The following CLASP1 variants were observed in gnomAD, a reference collection of about 807,000 sequenced individuals.
The protein encoded by CLASP1 is CLIP-associating protein 1.
Under a neutral mutation model 192.3 loss-of-function variants are expected in CLASP1, and 38 were observed. That is an observed-to-expected ratio of 0.20 (90% confidence interval 0.15 to 0.26). The LOEUF is 0.26. Ranked by LOEUF, CLASP1 falls within the 10% of genes least tolerant of loss-of-function variation. The pLI is 1.00. For missense variants in CLASP1, 1,433 were observed against 1,932.5 expected (o/e 0.74, Z 4.85); for synonymous variants, 691 against 712.8 (o/e 0.97, Z 0.49).
intron 6 of CLASP1, among the ~76,000 whole-genome samples, chr2:121,523,650 CG>C (rs2094506100): frequency 6.6e-6 from 1 of 152,152 alleles, no homozygotes; most frequent in Non-Finnish European, 1.5e-5. Flanking sequence ...AAATCTACAC[CG>C]AGTCCATGAT....
intron 1 of CLASP1, among the ~76,000 whole-genome samples, chr2:121,631,173 A>AG (rs1205477614): frequency 6.6e-6 from 1 of 150,828 alleles, no homozygotes; most frequent in African/African-American, 2.4e-5. Context: ...AAAAAAAAAA[A>AG]AAAAAAAAAG....
At chr2:121,437,914 A>C (rs1429242057) in intron 19 of CLASP1, among the ~76,000 whole-genome samples, 4 of 152,234 alleles carry the variant, frequency 2.6e-5, no homozygotes, top group African/African-American at 9.6e-5. Context: ...TAGAATAGTA[A>C]TGTATTCTCA....
intron 2 of CLASP1, among the ~76,000 whole-genome samples, chr2:121,593,718 AT>A (rs552624023): frequency 7.9e-5 from 12 of 151,042 alleles, no homozygotes; most frequent in East Asian, 7.8e-4. Flanking sequence ...GATTAAAAAA[AT>A]TTTTTTTTCG....
chr2:121,339,131 C>CCACACACACACACACACACACACA (rs3839033), exon 40 of CLASP1: 11 of 143,606 alleles, frequency 7.7e-5, no homozygotes, highest in Admixed American at 2.1e-4. Flanking sequence ...ACACACAACA[C>CCACACACACACACACACACACACA]CACACACACA....
chr2:121,457,488 C>G (rs56918588), intron 14 of CLASP1, among the ~76,000 whole-genome samples, 199 bp downstream of exon 14: 1,976 of 151,534 alleles, frequency 0.013, 40 homozygotes, highest in African/African-American at 0.044. Flanking sequence ...CACACACACA[C>G]AGAAACATAA....
rs542732837 is a variant in CLASP1, at chr2:121,447,564, T to C, written c.1742-57A>G. 68 of 1,374,090 alleles carry C rather than the reference T, an allele frequency of 4.9e-5. No homozygotes were observed. In the South Asian group the frequency reaches 5.4e-4, roughly 11 times the overall value. The allele number at this position is 1,374,090 out of a possible 1,614,324, so 85.1% of individuals were successfully genotyped here. On this transcript the variant is annotated intron_variant, in intron 18 of 39. Transcript: ENST00000263710. ...GACTACATAGAATTTTGAAAATACATTGCTAAAATCTGATGTTGTTTTGCT... is the reference window on the plus strand; with the variant it reads ...GACTACATAGAATTTTGAAAATACACTGCTAAAATCTGATGTTGTTTTGCT...
At chr2:121,391,794 CCCAGGAGGCTGAG>C (rs2074400582) in intron 30 of CLASP1, among the ~76,000 whole-genome samples, 1 of 152,092 alleles carries the variant, frequency 6.6e-6, no homozygotes, top group Admixed American at 6.6e-5. Context: ...ATCCCAGCTA[CCCAGGAGGCTGAG>C]GCAGGAGAAT....
chr2:121,354,187 A>G (rs1436351392), intron 37 of CLASP1, among the ~76,000 whole-genome samples: 1 of 152,250 alleles, frequency 6.6e-6, no homozygotes, highest in African/African-American at 2.4e-5. Context: ...AACTAGGAGC[A>G]TGGCAGGTTA....
rs539698048 is a variant in CLASP1 at position 121,367,459 on chromosome 2, T to G, written c.3886+129A>C. ...TTCAGTTAAGTAGTGCCTGAACAAATGACTAAGCAGAAAGAACAGACCCAG... is the reference window on the plus strand; with the variant it reads ...TTCAGTTAAGTAGTGCCTGAACAAAGGACTAAGCAGAAAGAACAGACCCAG... On this transcript the variant is annotated intron_variant, in intron 35 of 39. Coordinates refer to ENST00000263710, the Ensembl canonical transcript of CLASP1. 5 of 1,253,760 alleles carry G rather than the reference T, an allele frequency of 4.0e-6. No individual in the cohort carries two copies. In the Admixed American group the frequency reaches 1.2e-4, roughly 29 times the overall value. 77.7% of individuals were successfully genotyped at this position (1,253,760 alleles called of 1,614,324 possible).
At chr2:121,483,384 CT>C (rs2092735556) in intron 8 of CLASP1, among the ~76,000 whole-genome samples, 1 of 151,990 alleles carries the variant, frequency 6.6e-6, no homozygotes, top group African/African-American at 2.4e-5. Context: ...TAAGTTCTTA[CT>C]TTAGGAATCT....
At chr2:121,569,056 A>G (rs1460226655) in intron 2 of CLASP1, among the ~76,000 whole-genome samples, 1 of 152,076 alleles carries the variant, frequency 6.6e-6, no homozygotes, top group African/African-American at 2.4e-5. Context: ...TACTCAATAA[A>G]TATTTATTGA....
At chr2:121,405,974 A>G (rs2076857440) in intron 25 of CLASP1, among the ~76,000 whole-genome samples, 1 of 152,164 alleles carries the variant, frequency 6.6e-6, no homozygotes, top group Admixed American at 6.5e-5. Context: ...ATGCCCATCT[A>G]TGACCGTTAA....
At chr2:121,535,319 A>C (rs1222501112) in intron 2 of CLASP1, among the ~76,000 whole-genome samples, 3 of 152,204 alleles carry the variant, frequency 2.0e-5, no homozygotes, top group Admixed American at 6.5e-5. Flanking sequence ...AACCAGTCTT[A>C]TTATGTCTAA....
chr2:121,586,989 T>C (rs867351614), intron 2 of CLASP1, among the ~76,000 whole-genome samples: 4 of 152,276 alleles, frequency 2.6e-5, no homozygotes, highest in Middle Eastern at 3.4e-3. Flanking sequence ...ACACCTGTAA[T>C]CCCAACACTT....
At chr2:121,510,968 TG>T (rs1026001650) in intron 7 of CLASP1, among the ~76,000 whole-genome samples, 7 of 151,976 alleles carry the variant, frequency 4.6e-5, no homozygotes. Flanking sequence ...GTCAGGATGA[TG>T]GGTTTGCAAG....
chr2:121,341,280 G>A (rs960464406), intron 39 of CLASP1, among the ~76,000 whole-genome samples: 4 of 152,308 alleles, frequency 2.6e-5, no homozygotes, highest in South Asian at 2.1e-4. Context: ...TCTCAAGCAC[G>A]ACTGCAGCCC....
At chr2:121,579,707 C>A (rs2060924693) in intron 2 of CLASP1, among the ~76,000 whole-genome samples, 1 of 152,162 alleles carries the variant, frequency 6.6e-6, no homozygotes, top group African/African-American at 2.4e-5. Flanking sequence ...AATCCTTCTA[C>A]TATAAAGCAG....
At chr2:121,560,907 G>T (rs887218306) in intron 2 of CLASP1, among the ~76,000 whole-genome samples, 1 of 151,802 alleles carries the variant, frequency 6.6e-6, no homozygotes, top group African/African-American at 2.4e-5. Flanking sequence ...GCTAATTTTT[G>T]TTTTTTTTGT....
chr2:121,427,446 A>G lies in CLASP1; in HGVS notation c.2018-16T>C. On this transcript the variant is annotated splice_polypyrimidine_tract_variant and intron_variant, in intron 20 of 39. Transcript: ENST00000263710. ...GATCTGGATCCTTGATTATGAGAGC[A>G]GACCAAAGGACAGGCAAAAAGTGGA... 2 of 1,612,760 alleles carry G rather than the reference A, an allele frequency of 1.2e-6. No individual in the cohort carries two copies. Among genetic ancestry groups the G allele is most frequent in the African/African-American group, 2.7e-5 (2 of 75,050 alleles).
Sources: allele counts gnomAD v4.1 joint callset (sites outside exome capture counted in the v4.1 genomes callset), GRCh38; gene constraint gnomAD v4.1.1; transcripts MANE v1.5; gene names NCBI Gene and HGNC (gene_info 2026-07-23, HGNC 2026-07-21).